CCDC148: variants seen among roughly 807,000 people sequenced by gnomAD.
CCDC148 encodes coiled-coil domain-containing protein 148.
CCDC148 carries 89 observed loss-of-function variants against 85.7 expected under a neutral mutation model. The observed-to-expected ratio is 1.04, with a 90% CI of 0.87 to 1.24. The LOEUF (loss-of-function observed/expected upper bound fraction) is 1.24, where lower values mean the gene tolerates loss of function less well. Among genes scored for constraint, CCDC148 ranks in the 50% most tolerant of loss-of-function variants. The probability of loss-of-function intolerance (pLI) is 0.00; values close to 1 mark genes in which losing one functional copy is unlikely to be tolerated. For synonymous variants in CCDC148, 230 were observed against 213.9 expected, an observed-to-expected ratio of 1.08 and a Z score of -0.66; for missense variants, 692 against 671.7, an observed-to-expected ratio of 1.03 and a Z score of -0.33.
intron 9 of CCDC148, among the ~76,000 whole-genome samples, chr2:158,299,226 T>C (rs1306944711): frequency 2.6e-5 from 4 of 152,310 alleles, no homozygotes; most frequent in African/African-American, 9.6e-5. Context: ...CCCAGGCCTG[T>C]GTCCTGTGAC....
At position 158,172,453 on chromosome 2, in the gene CCDC148, G is replaced by C. The variant is rs181177954; in HGVS notation, c.1630-194C>G. On this transcript the variant is annotated intron_variant, in intron 13 of 13. Transcript: ENST00000283233. ...CATTATCACTTTTCAGTACATCAGTGGTTTCCCATGTAGGGTATATAGAAC... is the reference window on the plus strand; with the variant it reads ...CATTATCACTTTTCAGTACATCAGTCGTTTCCCATGTAGGGTATATAGAAC... Among the ~76,000 whole-genome samples the C allele has an allele frequency of 2.5e-3, 374 of 151,942 alleles. 4 individuals carry two copies. Among genetic ancestry groups the C allele is most frequent in the African/African-American group, 8.5e-3 (351 of 41,478 alleles).
At position 158,171,331 on chromosome 2, in the gene CCDC148, T is replaced by C. The variant is rs1034019020; in HGVS notation, c.*782A>G. The C allele has an allele frequency of 1.7e-4, 26 of 151,970 alleles. No homozygotes were observed. The highest frequency in any genetic ancestry group is 6.0e-4 in the African/African-American group (25 of 41,430). 9.4% of individuals were successfully genotyped at this position (151,970 alleles called of 1,614,324 possible). ...CAACAACACTAACTTGTTATTCTGC[T>C]TGAAAAATTATTTTTTAGAAATAGT... On this transcript the variant is annotated 3_prime_UTR_variant, in exon 14 of 14. Coordinates refer to ENST00000283233, the MANE Select transcript of CCDC148 (RefSeq NM_138803.4).
intron 1 of CCDC148, among the ~76,000 whole-genome samples, chr2:158,439,533 A>G (rs747172234): frequency 3.3e-5 from 5 of 152,080 alleles, no homozygotes; most frequent in Non-Finnish European, 7.4e-5. Flanking sequence ...GTAAATGATG[A>G]GTTAATGGGT....
chr2:158,233,170 T>C (rs1687935374), intron 10 of CCDC148, among the ~76,000 whole-genome samples: 1 of 152,106 alleles, frequency 6.6e-6, no homozygotes, highest in South Asian at 2.1e-4. Context: ...TTTAAAAAGA[T>C]CCCCTTTCTA....
chr2:158,425,237 C>T (rs1229544643), intron 1 of CCDC148: 1 of 537,466 alleles, frequency 1.9e-6, no homozygotes, highest in Non-Finnish European at 3.7e-6. Flanking sequence ...ACTATAGTGG[C>T]CAAGAGAGCA....
intron 10 of CCDC148, among the ~76,000 whole-genome samples, chr2:158,246,953 C>T (rs1322800433): frequency 2.6e-5 from 4 of 152,116 alleles, no homozygotes; most frequent in African/African-American, 7.2e-5. Flanking sequence ...TGTAGAGATG[C>T]TCTTGCTACC....
chr2:158,224,866 C>T (rs1687413000), intron 10 of CCDC148, among the ~76,000 whole-genome samples: 2 of 152,014 alleles, frequency 1.3e-5, no homozygotes, highest in Non-Finnish European at 2.9e-5. Context: ...ATTGTAAAGA[C>T]CATCGAGGCT....
At chr2:158,396,845 C>G (rs1027557409) in intron 1 of CCDC148, among the ~76,000 whole-genome samples, 3 of 152,046 alleles carry the variant, frequency 2.0e-5, no homozygotes. Context: ...ACCACAATTA[C>G]TTCTAGTAGC....
At chr2:158,243,825 T>C (rs1017389242) in intron 10 of CCDC148, among the ~76,000 whole-genome samples, 1 of 152,152 alleles carries the variant, frequency 6.6e-6, no homozygotes, top group African/African-American at 2.4e-5. Context: ...CTTAAATTTC[T>C]TCCTTCTATT....
At chr2:158,304,959 ATAG>A (rs1691613114) in intron 9 of CCDC148, among the ~76,000 whole-genome samples, 1 of 152,208 alleles carries the variant, frequency 6.6e-6, no homozygotes, top group East Asian at 1.9e-4. Context: ...GCATGAGACT[ATAG>A]AACCTGTGGA....
chr2:158,418,794 T>C (rs543908473), intron 1 of CCDC148, among the ~76,000 whole-genome samples: 12 of 152,120 alleles, frequency 7.9e-5, no homozygotes, highest in Non-Finnish European at 1.3e-4. Context: ...TTATTTATCA[T>C]ATATATATCT....
chr2:158,269,515 T>C (rs918510674), intron 9 of CCDC148, among the ~76,000 whole-genome samples: 2 of 152,176 alleles, frequency 1.3e-5, no homozygotes, highest in Non-Finnish European at 2.9e-5. Flanking sequence ...TTCTGAAGCA[T>C]GTGTAAACCT....
chr2:158,366,073 G>A (rs530929737), intron 1 of CCDC148: 232 of 1,530,304 alleles, frequency 1.5e-4, no homozygotes, highest in Non-Finnish European at 1.9e-4. Context: ...CATGTTTTCC[G>A]TATCTGTTAA....
At chr2:158,283,058 G>C (rs1422591367) in intron 9 of CCDC148, among the ~76,000 whole-genome samples, 1 of 152,152 alleles carries the variant, frequency 6.6e-6, no homozygotes, top group East Asian at 1.9e-4. Context: ...AATGGTGCTG[G>C]GAAAACTGGC....
At chr2:158,298,192 T>C (rs2105196252) in intron 9 of CCDC148, among the ~76,000 whole-genome samples, 1 of 152,236 alleles carries the variant, frequency 6.6e-6, no homozygotes, top group East Asian at 1.9e-4. Context: ...TGTGATTCAA[T>C]TATTTCCACC....
intron 1 of CCDC148, among the ~76,000 whole-genome samples, chr2:158,406,853 ACTCCAGTGAGTCTCCCAC>A (rs565574230): frequency 4.0e-5 from 6 of 151,228 alleles, no homozygotes; most frequent in African/African-American, 1.5e-4. Flanking sequence ...CAACTCCTGA[ACTCCAGTGAGTCTCCCAC>A]CTCTGCCTCT....
At chr2:158,263,806 G>A (rs545522286) in intron 9 of CCDC148, among the ~76,000 whole-genome samples, 1 of 152,080 alleles carries the variant, frequency 6.6e-6, no homozygotes, top group Non-Finnish European at 1.5e-5. Context: ...AAGAAGAAAA[G>A]TAGTTATCAA....
At chr2:158,282,899 C>A (rs901122231) in intron 9 of CCDC148, among the ~76,000 whole-genome samples, 6 of 152,148 alleles carry the variant, frequency 3.9e-5, no homozygotes, top group African/African-American at 1.4e-4. Flanking sequence ...CTACAGTAAC[C>A]AAAACAGCAT....
chr2:158,348,353 T>C (rs1303777452), intron 2 of CCDC148, among the ~76,000 whole-genome samples: 2 of 151,844 alleles, frequency 1.3e-5, no homozygotes, highest in Non-Finnish European at 1.5e-5. Context: ...GGATGTAATC[T>C]GCCCAATTCA....
Sources: gnomAD v4.1 joint callset for allele counts (sites outside exome capture counted in the v4.1 genomes callset) on GRCh38, gnomAD v4.1.1 for gene constraint, MANE v1.5 for transcripts, NCBI Gene and HGNC (gene_info 2026-07-23, HGNC 2026-07-21) for gene names.